The following JPH2 variants were observed in gnomAD, a reference collection of about 807,000 sequenced individuals.
JPH2 encodes the protein junctophilin-2.
In JPH2, 38 loss-of-function variants were observed where a neutral mutation model predicts 55.9. The observed-to-expected ratio is 0.68, with a 90% CI of 0.52 to 0.89. The LOEUF is 0.89. Ranked by LOEUF, JPH2 falls within the 40% of genes least tolerant of loss-of-function variation. JPH2 has a pLI of 0.00. For missense variants in JPH2, 964 were observed against 1,037.6 expected, an observed-to-expected ratio of 0.93 and a Z score of 0.97; for synonymous variants, 480 against 472.4, an observed-to-expected ratio of 1.02 and a Z score of -0.21.
chr20:44,147,808 C>T (rs545353007), intron 2 of JPH2, among the ~76,000 whole-genome samples: 23 of 152,166 alleles, frequency 1.5e-4, no homozygotes, highest in African/African-American at 1.4e-4. Context: ...TCAGAACATA[C>T]GACTCGGGTC....
At chr20:44,128,974 A>G (rs2072296015) in intron 2 of JPH2, among the ~76,000 whole-genome samples, 1 of 152,184 alleles carries the variant, frequency 6.6e-6, no homozygotes, top group African/African-American at 2.4e-5. Context: ...CCCCTATCTC[A>G]TAAGCTTGTG....
At chr20:44,138,734 C>T (rs540206588) in intron 2 of JPH2, among the ~76,000 whole-genome samples, 6 of 152,234 alleles carry the variant, frequency 3.9e-5, no homozygotes, top group Admixed American at 6.5e-5. Context: ...TTTTGCTTCA[C>T]TGTATTCTTT....
intron 1 of JPH2, among the ~76,000 whole-genome samples, chr20:44,164,703 CAAA>C (rs1569213309): frequency 8.6e-5 from 13 of 150,512 alleles, no homozygotes; most frequent in African/African-American, 1.7e-4. Context: ...AACAAACAAA[CAAA>C]CAAACAAACA....
chr20:44,142,415 T>G (rs965114226), intron 2 of JPH2, among the ~76,000 whole-genome samples: 3 of 152,166 alleles, frequency 2.0e-5, no homozygotes, highest in African/African-American at 7.2e-5. Flanking sequence ...CGGCCTTTTC[T>G]CGCACTGCTG....
rs572164284 is a variant in JPH2, at chr20:44,108,379, A to G, written c.*5139T>C. Reference sequence around the variant, plus strand: ...TGTGAGTCTTTCTAGTGAATTATTGAGTATGAGGATAATCATAGGAACCCC... The same window carrying G: ...TGTGAGTCTTTCTAGTGAATTATTGGGTATGAGGATAATCATAGGAACCCC... On this transcript the variant is annotated 3_prime_UTR_variant, in exon 6 of 6. Coordinates refer to ENST00000372980, the MANE Select transcript of JPH2 (RefSeq NM_020433.5). Among the ~76,000 whole-genome samples the G allele has an allele frequency of 6.6e-6, 1 of 151,972 alleles. No homozygotes were observed. The highest frequency in any genetic ancestry group is 1.9e-4 in the East Asian group (1 of 5,154).
rs1201781025 is a variant in JPH2, at chr20:44,134,651, A to AT, written c.1170-16029dup. Among the ~76,000 whole-genome samples, 113 of 44,466 alleles carry AT rather than the reference A, an allele frequency of 2.5e-3. 13 individuals carry two copies. Among genetic ancestry groups the AT allele is most frequent in the African/African-American group, 9.9e-3 (105 of 10,644 alleles). The allele number at this position is 44,466 out of a possible 152,430, so 29.2% of individuals were successfully genotyped here. ...ATTTATTATAAATATATAAATATTTATTATAAATATATATAAATATATATT... is the reference window on the plus strand; with the variant it reads ...ATTTATTATAAATATATAAATATTTATTTATAAATATATATAAATATATATT... On this transcript the variant is annotated intron_variant, in intron 2 of 5. Transcript: ENST00000372980.
intron 1 of JPH2, among the ~76,000 whole-genome samples, chr20:44,172,662 T>C (rs187655748): frequency 1.5e-4 from 23 of 152,252 alleles, no homozygotes; most frequent in African/African-American, 5.3e-4. Flanking sequence ...TGGCTAATTT[T>C]ATTTTTTGTA....
intron 1 of JPH2, among the ~76,000 whole-genome samples, chr20:44,173,362 C>A (rs1377671020): frequency 6.6e-6 from 1 of 152,060 alleles, no homozygotes; most frequent in Non-Finnish European, 1.5e-5. Flanking sequence ...AGTCCTATAA[C>A]CCCCACCCCG....
At chr20:44,119,129 A>C (rs1431748155) in intron 2 of JPH2, among the ~76,000 whole-genome samples, 1 of 152,246 alleles carries the variant, frequency 6.6e-6, no homozygotes, top group Admixed American at 6.5e-5. Context: ...TACTTGACAT[A>C]CTGTTTCCAA....
At chr20:44,129,803 A>G (rs1434607128) in intron 2 of JPH2, among the ~76,000 whole-genome samples, 3 of 152,126 alleles carry the variant, frequency 2.0e-5, no homozygotes, top group Non-Finnish European at 4.4e-5. Flanking sequence ...TGTCCTTATA[A>G]GAGGGAGATT....
chr20:44,120,319 C>G (rs934800889), intron 2 of JPH2, among the ~76,000 whole-genome samples: 2 of 152,118 alleles, frequency 1.3e-5, no homozygotes, highest in African/African-American at 4.8e-5. Flanking sequence ...GTGACAGGAG[C>G]AAATTTTAAA....
At chr20:44,140,630 A>C (rs538722118) in intron 2 of JPH2, among the ~76,000 whole-genome samples, 48 of 151,902 alleles carry the variant, frequency 3.2e-4, no homozygotes, top group African/African-American at 1.1e-3. Context: ...CCTCCCTCCT[A>C]TCTGGTCCTA....
intron 2 of JPH2, among the ~76,000 whole-genome samples, chr20:44,121,101 T>C (rs1569184023): frequency 6.6e-6 from 1 of 152,200 alleles, no homozygotes; most frequent in African/African-American, 2.4e-5. Flanking sequence ...CAGAAAGACT[T>C]AATGTTGATG....
chr20:44,170,891 T>G (rs2145888496), intron 1 of JPH2, among the ~76,000 whole-genome samples: 1 of 152,350 alleles, frequency 6.6e-6, no homozygotes, highest in East Asian at 1.9e-4. Context: ...TAAATGACTC[T>G]CATGATGACG....
intron 2 of JPH2, among the ~76,000 whole-genome samples, chr20:44,145,483 A>G (rs996747467): frequency 6.6e-6 from 1 of 152,020 alleles, no homozygotes. Context: ...GCGTGCCTGT[A>G]ATCCCAGCTA....
rs777905870 is a variant in JPH2 at position 44,108,801 on chromosome 20, C to T, written c.*4717G>A. Among the ~76,000 whole-genome samples, 4 of 152,078 alleles carry T rather than the reference C, an allele frequency of 2.6e-5. No homozygotes were observed. Among genetic ancestry groups the T allele is most frequent in the African/African-American group, 7.2e-5 (3 of 41,398 alleles). ...GGTCTGTGGACAAAATATGACTCCC[C>T]GCTCAGTCCAGGCTCTGTCACTGAC... On this transcript the variant is annotated 3_prime_UTR_variant, in exon 6 of 6. Transcript: ENST00000372980.
chr20:44,127,652 A>AT (rs200155785), intron 2 of JPH2, among the ~76,000 whole-genome samples: 19,344 of 150,676 alleles, frequency 0.13, 1,377 homozygotes, highest in South Asian at 0.21. Context: ...TGCCTGGCTG[A>AT]TTTTTTTTTG....
Position 44,110,695 on chromosome 20 carries a change from C to A in JPH2, c.*2823G>T, listed in dbSNP as rs572710573. The stretch of plus-strand genomic sequence containing the variant: ...ATCCACCTGCCTCAGCCTCCTCTAA[C>A]GTGCTGGAATTATAGGTGTGAGCCA... On this transcript the variant is annotated 3_prime_UTR_variant, in exon 6 of 6. Transcript: ENST00000372980. Among the ~76,000 whole-genome samples the A allele has an allele frequency of 2.0e-5, 3 of 152,184 alleles. No homozygotes were observed. Among genetic ancestry groups the A allele is most frequent in the Non-Finnish European group, 2.9e-5 (2 of 68,032 alleles).
chr20:44,186,910 C>G lies in JPH2; in HGVS notation c.-205G>C. The G allele has an allele frequency of 1.7e-6, 1 of 603,078 alleles. No individual in the cohort carries two copies. Among genetic ancestry groups the G allele is most frequent in the Non-Finnish European group, 2.9e-6 (1 of 340,446 alleles). The allele number at this position is 603,078 out of a possible 1,614,324, so 37.4% of individuals were successfully genotyped here. ...CGGGTCGGCTAGTCAGTGCCATGCC[C>G]GGGAGCCCCGACTCCACCAGCCAGA... is the stretch of plus-strand genomic sequence containing the variant. On this transcript the variant is annotated 5_prime_UTR_variant, in exon 1 of 6. Transcript: ENST00000372980.
Sources: allele counts gnomAD v4.1 joint callset (sites outside exome capture counted in the v4.1 genomes callset), GRCh38; gene constraint gnomAD v4.1.1; transcripts MANE v1.5; gene names NCBI Gene and HGNC (gene_info 2026-07-23, HGNC 2026-07-21).